Variants in SLC35F2 observed in about 807,000 individuals in gnomAD.
SLC35F2 encodes the protein queuine/queuosine transporter SLC35F2.
A neutral mutation model predicts 38.1 loss-of-function variants in SLC35F2; 25 were observed. The ratio of observed to expected loss-of-function variants is 0.66; its 90% CI spans 0.48 to 0.92. The LOEUF (loss-of-function observed/expected upper bound fraction) is 0.92, where lower values mean the gene tolerates loss of function less well. Ranked by LOEUF, SLC35F2 falls within the 40% of genes least tolerant of loss-of-function variation. The pLI is 0.00. For missense variants in SLC35F2, 409 were observed against 452.9 expected (o/e 0.90, Z 0.88); for synonymous variants, 173 against 181.7 (o/e 0.95, Z 0.38).
intron 2 of SLC35F2, among the ~76,000 whole-genome samples, chr11:107,813,046 TATATG>T (rs1442192793): frequency 9.2e-5 from 14 of 152,208 alleles, no homozygotes; most frequent in Non-Finnish European, 1.9e-4. Flanking sequence ...AGTTGGCACA[TATATG>T]AGAAGGTTTT....
chr11:107,802,560 T>C (rs1479769687), intron 7 of SLC35F2, among the ~76,000 whole-genome samples: 1 of 152,236 alleles, frequency 6.6e-6, no homozygotes, highest in Non-Finnish European at 1.5e-5. Flanking sequence ...ATTCCAATCA[T>C]GCATGCATGA....
intron 1 of SLC35F2, among the ~76,000 whole-genome samples, chr11:107,852,694 A>G (rs1292655683): frequency 6.6e-6 from 1 of 152,030 alleles, no homozygotes; most frequent in Non-Finnish European, 1.5e-5. Flanking sequence ...CAACATGGCA[A>G]AACCCTGTCT....
At chr11:107,815,398 A>T (rs113809372) in intron 2 of SLC35F2, among the ~76,000 whole-genome samples, 8,489 of 150,636 alleles carry the variant, frequency 0.056, 639 homozygotes, top group African/African-American at 0.17. Flanking sequence ...ATAAAAAAAA[A>T]AAAAAAAAAT....
At chr11:107,803,675 A>G (rs958407932) in intron 6 of SLC35F2, 2 of 208,762 alleles carry the variant, frequency 9.6e-6, no homozygotes, top group African/African-American at 2.4e-5. Context: ...GAGGCAGCAC[A>G]ATATAATTAT....
intron 1 of SLC35F2, among the ~76,000 whole-genome samples, chr11:107,832,641 G>GA (rs1485818425): frequency 6.6e-6 from 1 of 151,928 alleles, no homozygotes; most frequent in African/African-American, 2.4e-5. Flanking sequence ...CTTCTCTACA[G>GA]AAAAAAATGC....
Position 107,835,490 on chromosome 11 carries a change from G to A in SLC35F2, c.111-19525C>T, listed in dbSNP as rs577133364. 1.1e-4 allele frequency among the ~76,000 whole-genome samples: 17 copies of A among 151,780 alleles called. 1 individual carries two copies. The South Asian group carries it at 1.5e-3, about 13-fold the overall frequency. On this transcript the variant is annotated intron_variant, in intron 1 of 7. Transcript: ENST00000525815. ...AGGTTTCTGTCGCCCAAACTGGAGCGCAGTGGCATAATCAGGGTTCATTGC... is the reference window on the plus strand; with the variant it reads ...AGGTTTCTGTCGCCCAAACTGGAGCACAGTGGCATAATCAGGGTTCATTGC...
intron 1 of SLC35F2, 68 bp downstream of exon 1, chr11:107,858,590 C>A (rs1165178691): frequency 3.3e-6 from 4 of 1,226,224 alleles, no homozygotes; most frequent in South Asian, 4.2e-5. Context: ...GCTCCTTGTC[C>A]ACGTGCGCGC....
chr11:107,812,604 T>C (rs912637017), intron 2 of SLC35F2, among the ~76,000 whole-genome samples: 2 of 152,176 alleles, frequency 1.3e-5, no homozygotes, highest in East Asian at 1.9e-4. Context: ...GATGGGTTGA[T>C]AGCTGCAGCA....
At chr11:107,836,021 A>G (rs568453314) in intron 1 of SLC35F2, among the ~76,000 whole-genome samples, 2 of 152,328 alleles carry the variant, frequency 1.3e-5, no homozygotes, top group South Asian at 4.1e-4. Flanking sequence ...CAAAGCGGAC[A>G]GCATTGTAAA....
chr11:107,817,581 G>C (rs867716438), intron 1 of SLC35F2, among the ~76,000 whole-genome samples: 24 of 151,888 alleles, frequency 1.6e-4, no homozygotes, highest in African/African-American at 5.6e-4. Flanking sequence ...TTCCTCTCTG[G>C]CCTTAGGTGA....
chr11:107,831,552 G>T (rs202156067), intron 1 of SLC35F2, among the ~76,000 whole-genome samples: 2 of 152,168 alleles, frequency 1.3e-5, no homozygotes, highest in East Asian at 1.9e-4. Context: ...TGGTTGCAAG[G>T]CAGATACAAA....
rs111320937 is a variant in SLC35F2, at chr11:107,803,452, G to A, written c.785-297C>T. Reference sequence around the variant, plus strand: ...ATTGCTCTTAATCACCCCTTGCTATGCACCCTGCCAGGACAGCGATGCCTG... The same window carrying A: ...ATTGCTCTTAATCACCCCTTGCTATACACCCTGCCAGGACAGCGATGCCTG... On this transcript the variant is annotated intron_variant, in intron 6 of 7. Coordinates refer to ENST00000525815, the MANE Select transcript of SLC35F2 (RefSeq NM_017515.5). The A allele has an allele frequency of 1.0e-5, 10 of 982,090 alleles. No homozygotes were observed. In the African/African-American group the frequency reaches 1.4e-4, roughly 14 times the overall value. 60.8% of individuals were successfully genotyped at this position (982,090 alleles called of 1,614,324 possible).
chr11:107,793,106 G>A (rs78816798), intron 7 of SLC35F2, among the ~76,000 whole-genome samples: 8,686 of 62,062 alleles, frequency 0.14, 300 homozygotes, highest in Middle Eastern at 0.24. Flanking sequence ...CTGTAGAGAC[G>A]GGGTTTTTCC....
intron 3 of SLC35F2, 75 bp from the exon 4 acceptor site, chr11:107,806,951 GAGTC>G (rs1427137294): frequency 4.4e-6 from 6 of 1,365,052 alleles, no homozygotes; most frequent in Non-Finnish European, 5.1e-6. Context: ...GAAATAATAG[GAGTC>G]AGTATTTATA....
At chr11:107,825,916 G>A (rs503151) in intron 1 of SLC35F2, among the ~76,000 whole-genome samples, 9,578 of 152,142 alleles carry the variant, frequency 0.063, 818 homozygotes, top group African/African-American at 0.19. Context: ...CTATTTCAGC[G>A]GGAGAGTTTG....
At position 107,858,720 on chromosome 11, in the gene SLC35F2, C is replaced by A; in HGVS notation, c.48G>T (p.Ala16=). 1 of 1,298,968 alleles carries A rather than the reference C, an allele frequency of 7.7e-7. No individual in the cohort carries two copies. The highest frequency in any genetic ancestry group is 9.8e-7 in the Non-Finnish European group (1 of 1,015,774). 80.5% of individuals were successfully genotyped at this position (1,298,968 alleles called of 1,614,324 possible). A position where few individuals can be genotyped will look rare whatever the true frequency, so the allele number is the denominator to read the frequency against. ...PAGPGAPEPL[A]EGAAAEFSSL... Reference sequence around the variant, plus strand: ...TGGAGAACTCGGCCGCCGCTCCCTCCGCGAGGGGCTCTGGGGCGCCGGGGC... The same window carrying A: ...TGGAGAACTCGGCCGCCGCTCCCTCAGCGAGGGGCTCTGGGGCGCCGGGGC... The change falls in exon 1 of 8, where the codon GCG becomes GCT. Residue 16 remains alanine (A), a synonymous_variant. Transcript: ENST00000525815.
At chr11:107,794,694 T>G (rs1859190778) in intron 7 of SLC35F2, among the ~76,000 whole-genome samples, 1 of 152,128 alleles carries the variant, frequency 6.6e-6, no homozygotes, top group East Asian at 1.9e-4. Context: ...GTACTGGAAG[T>G]CCTAGCCAGA....
At chr11:107,810,572 G>C in intron 3 of SLC35F2, 1 of 985,234 alleles carries the variant, frequency 1.0e-6, no homozygotes, top group Non-Finnish European at 1.2e-6. Context: ...CTAGGTAACT[G>C]CTGGGTTTAA....
Position 107,815,955 on chromosome 11 carries a change from T to G in SLC35F2, c.121A>C (p.Lys41Gln). The change falls in exon 2 of 8, where the codon AAA (lysine) becomes CAA (glutamine). Residue 41 changes from lysine (K) to glutamine (Q), a missense_variant. Coordinates refer to ENST00000525815, the MANE Select transcript of SLC35F2 (RefSeq NM_017515.5). The part of the protein sequence containing the change: ...KGKLFTWNIL[K>Q]TIALGQMLSL... ...AACATCTGACCCAGGGCAATTGTTT[T>G]CAAAATATTCCTAGAAAATAAGGGA... 1 of 1,609,508 alleles carries G rather than the reference T, an allele frequency of 6.2e-7. No homozygotes were observed. The highest frequency in any genetic ancestry group is 8.5e-7 in the Non-Finnish European group (1 of 1,178,950).
Sources: gnomAD v4.1 joint callset for allele counts (sites outside exome capture counted in the v4.1 genomes callset) on GRCh38, gnomAD v4.1.1 for gene constraint, MANE v1.5 for transcripts, NCBI Gene and HGNC (gene_info 2026-07-23, HGNC 2026-07-21) for gene names.